Variants in NEURL2 observed in about 807,000 individuals in gnomAD.
The protein encoded by NEURL2 is neuralized-like protein 2.
Under a neutral mutation model 15.9 loss-of-function variants are expected in NEURL2, and 16 were observed. The ratio of observed to expected loss-of-function variants is 1.01; its 90% CI spans 0.68 to 1.53. NEURL2 has a LOEUF of 1.53. Among genes scored for constraint, NEURL2 ranks in the 40% most tolerant of loss-of-function variants. NEURL2 has a pLI of 0.00. For synonymous variants in NEURL2, 188 were observed against 178.3 expected, an observed-to-expected ratio of 1.05 and a Z score of -0.43; for missense variants, 393 against 407.8, an observed-to-expected ratio of 0.96 and a Z score of 0.31.
Position 45,890,923 on chromosome 20 carries a change from G to A in NEURL2, c.69C>T (p.Pro23=), listed in dbSNP as rs1395794014. The A allele has an allele frequency of 1.3e-6, 2 of 1,539,938 alleles. No homozygotes were observed. Among genetic ancestry groups the A allele is most frequent in the Admixed American group, 2.1e-5 (1 of 47,856 alleles). ...LWGLERPEPP[P]TRFHRVHGAN... ...CACCGTGCACCCGATGGAAGCGGGT[G>A]GGAGGGGGCTCCGGGCGCTCGAGTC... The change falls in exon 1 of 2, where the codon CCC becomes CCT. Residue 23 remains proline (P), a synonymous_variant. Transcript: ENST00000372518.
At position 45,891,169 on chromosome 20, in the gene NEURL2, A is replaced by G. The variant is rs1009830375; in HGVS notation, c.-178T>C. 44 of 1,023,398 alleles carry G rather than the reference A, an allele frequency of 4.3e-5. No individual in the cohort carries two copies. The highest frequency in any genetic ancestry group is 6.4e-5 in the Non-Finnish European group (44 of 687,610). The allele number at this position is 1,023,398 out of a possible 1,614,324, so 63.4% of individuals were successfully genotyped here. ...CCCGCCTACAACTTAGCCGTCCACA[A>G]CAGGATCATCTGATCGCGTGCGCCC... is the stretch of plus-strand genomic sequence containing the variant. On this transcript the variant is annotated 5_prime_UTR_variant, in exon 1 of 2. Transcript: ENST00000372518. This position sits in a 1 kb window ranked among gnomAD's most constrained non-coding sequence, Gnocchi z 4.6.
In NEURL2 at chr20:45,890,660, C is replaced by A; in HGVS notation, c.332G>T (p.Trp111Leu). Residue 111 changes from tryptophan (W) to leucine (L), a missense_variant, in exon 1 of 2, where the codon TGG becomes TTG. Trp to Leu is a moderately conservative substitution (Grantham distance 61). Coordinates refer to ENST00000372518, the MANE Select transcript of NEURL2 (RefSeq NM_080749.4). The stretch of plus-strand genomic sequence containing the variant: ...GTGGTGGCGCGTGATGGCGAAGACC[C>A]AGGTGTGGCCCAGGTTGACCAGATC... Reference protein sequence around the residue: ...LPDLVNLGHTWVFAITRHHNR... With the variant: ...LPDLVNLGHTLVFAITRHHNR... 6.2e-7 allele frequency: 1 copy of A among 1,613,600 alleles called. No individual in the cohort carries two copies. The highest frequency in any genetic ancestry group is 8.5e-7 in the Non-Finnish European group (1 of 1,179,854).
intron 1 of NEURL2, among the ~76,000 whole-genome samples, 175 bp from the exon 2 acceptor site, chr20:45,889,048 C>T (rs773268975): frequency 6.6e-6 from 1 of 152,196 alleles, no homozygotes; most frequent in African/African-American, 2.4e-5. Flanking sequence ...CTGAGAGCTG[C>T]CACAAAGCTG....
chr20:45,890,244 A>G lies in NEURL2; in HGVS notation c.742+6T>C. 6.2e-7 allele frequency: 1 copy of G among 1,613,756 alleles called. No homozygotes were observed. Among genetic ancestry groups the G allele is most frequent in the South Asian group, 1.1e-5 (1 of 91,082 alleles). ...CCAGGAGGGGTCGCTGCCCAGGGAT[A>G]CCTACAGCCATACTCGAGCTGGACA... On this transcript the variant is annotated splice_donor_region_variant and intron_variant, in intron 1 of 1. Transcript: ENST00000372518.
chr20:45,890,286 T>C lies in NEURL2; in HGVS notation c.706A>G (p.Thr236Ala), dbSNP rs1986697986. The C allele has an allele frequency of 1.2e-6, 2 of 1,613,520 alleles. No homozygotes were observed. The highest frequency in any genetic ancestry group is 1.6e-4 in the Middle Eastern group (1 of 6,084). ...AGCTGGACAAGGCGCACGCTCTTTG[T>C]GGAAGCAAACACGTCCACCACCGCG... ...LYAVVDVFAS[T>A]KSVRLVQLEY... The change falls in exon 1 of 2, where the codon ACA (threonine) becomes GCA (alanine). Residue 236 changes from threonine to alanine, a missense_variant. Thr to Ala is a moderately conservative substitution (Grantham distance 58). Coordinates refer to ENST00000372518, the MANE Select transcript of NEURL2 (RefSeq NM_080749.4).
chr20:45,889,435 C>T (rs984475639), intron 1 of NEURL2, among the ~76,000 whole-genome samples: 2 of 151,902 alleles, frequency 1.3e-5, no homozygotes, highest in African/African-American at 2.4e-5. Context: ...GAACTGCAGC[C>T]TTCAATTCTT....
chr20:45,889,137 T>C (rs1005269664), intron 1 of NEURL2, among the ~76,000 whole-genome samples: 1 of 152,124 alleles, frequency 6.6e-6, no homozygotes, highest in Non-Finnish European at 1.5e-5. Context: ...GGGTAGTGTC[T>C]GATTTGCCTG....
At chr20:45,889,969 A>G (rs1436897034) in intron 1 of NEURL2, among the ~76,000 whole-genome samples, 2 of 152,158 alleles carry the variant, frequency 1.3e-5, no homozygotes, top group African/African-American at 4.8e-5. Flanking sequence ...TAATATCTAA[A>G]ATTGGTTTAG....
At position 45,888,650 on chromosome 20, in the gene NEURL2, G is replaced by C; in HGVS notation, c.*108C>G. 2.0e-6 allele frequency: 2 copies of C among 1,005,998 alleles called. 1 individual carries two copies. Among genetic ancestry groups the C allele is most frequent in the South Asian group, 3.0e-5 (2 of 66,916 alleles). The allele number at this position is 1,005,998 out of a possible 1,614,324, so 62.3% of individuals were successfully genotyped here. On this transcript the variant is annotated 3_prime_UTR_variant, in exon 2 of 2. Coordinates refer to ENST00000372518, the MANE Select transcript of NEURL2 (RefSeq NM_080749.4). Reference sequence around the variant, plus strand: ...TTCCAGTGATCAAGATGTCAGCATCGGCTGTTTATTTCTGGTCTTGGCTGG... The same window carrying C: ...TTCCAGTGATCAAGATGTCAGCATCCGCTGTTTATTTCTGGTCTTGGCTGG...
At position 45,890,838 on chromosome 20, in the gene NEURL2, C is replaced by A; in HGVS notation, c.154G>T (p.Gly52Cys). ...RATRVESFAHGVCFSREPLAP... is the reference protein window; with the variant it reads ...RATRVESFAHCVCFSREPLAP... ...AGCGGCTCGCGGCTGAAGCACACGC[C>A]GTGGGCGAAGCTCTCCACGCGTGTG... The change falls in exon 1 of 2, where the codon GGC becomes TGC. Residue 52 changes from glycine (G) to cysteine (C), a missense_variant. Coordinates refer to ENST00000372518, the MANE Select transcript of NEURL2 (RefSeq NM_080749.4). The A allele has an allele frequency of 6.4e-7, 1 of 1,568,482 alleles. No individual in the cohort carries two copies. The highest frequency in any genetic ancestry group is 2.3e-5 in the East Asian group (1 of 43,184).
chr20:45,889,431 C>T (rs1986634322), intron 1 of NEURL2, among the ~76,000 whole-genome samples: 1 of 151,920 alleles, frequency 6.6e-6, no homozygotes, highest in Admixed American at 6.6e-5. Context: ...CAGTGAACTG[C>T]AGCCTTCAAT....
At chr20:45,889,260 T>C (rs1178910636) in intron 1 of NEURL2, among the ~76,000 whole-genome samples, 1 of 152,202 alleles carries the variant, frequency 6.6e-6, no homozygotes, top group Non-Finnish European at 1.5e-5. Context: ...TAATGAATCA[T>C]ACTCAGCATT....
In NEURL2 at chr20:45,890,591, G is replaced by A. The variant is rs1986737705; in HGVS notation, c.401C>T (p.Ala134Val). 1.4e-5 allele frequency: 23 copies of A among 1,612,314 alleles called. No homozygotes were observed. Among genetic ancestry groups the A allele is most frequent in the Admixed American group, 3.3e-5 (2 of 59,940 alleles). The change falls in exon 1 of 2, where the codon GCC (alanine) becomes GTC (valine). Residue 134 changes from alanine to valine, a missense_variant. Coordinates refer to ENST00000372518, the MANE Select transcript of NEURL2 (RefSeq NM_080749.4). ...GAGGAGGGTTGGAGGTCGGCTGGGG[G>A]CCGCTGCCTCCGCCTCCGGGCGGCC... is the stretch of plus-strand genomic sequence containing the variant. ...REGRPEAEAA[A>V]PSRPPTLLVE...
In NEURL2 at chr20:45,890,487, T is replaced by G. The variant is rs1383522896; in HGVS notation, c.505A>C (p.Ser169Arg). The stretch of plus-strand genomic sequence containing the variant: ...TCATAGAGCTGGTCCAAGAGATGGC[T>G]GTAGAGCCCTGGCCGGCTGCGGCCC... ...LVGRSRPGLY[S>R]HLLDQLYELN... Residue 169 changes from serine (S) to arginine (R), a missense_variant, in exon 1 of 2, where the codon AGC becomes CGC. By Grantham distance (110) the Ser-to-Arg change is moderately radical (BLOSUM62 -1). Transcript: ENST00000372518. 5 of 1,598,226 alleles carry G rather than the reference T, an allele frequency of 3.1e-6. No homozygotes were observed. Among genetic ancestry groups the G allele is most frequent in the Admixed American group, 1.7e-5 (1 of 58,754 alleles).
At chr20:45,890,113 G>C (rs1986678777) in intron 1 of NEURL2, 137 bp downstream of exon 1, 1 of 899,832 alleles carries the variant, frequency 1.1e-6, no homozygotes, top group East Asian at 2.6e-5. Context: ...CACAAGCAGA[G>C]GTGCAATTTG....
chr20:45,888,973 G>C, intron 1 of NEURL2, 100 bp from the exon 2 acceptor site: 2 of 1,406,706 alleles, frequency 1.4e-6, no homozygotes, highest in Non-Finnish European at 2.0e-6. Flanking sequence ...GTCATTAAAT[G>C]TGGGCAAGTC....
Position 45,890,622 on chromosome 20 carries a change from G to T in NEURL2, c.370C>A (p.Arg124=). 3 of 1,612,974 alleles carry T rather than the reference G, an allele frequency of 1.9e-6. No homozygotes were observed. The South Asian group carries it at 3.3e-5, about 18-fold the overall frequency. ...GCCTCCGCCTCCGGGCGGCCCTCCC[G>T]GGGCACGCGGTTGTGGTGGCGCGTG... ...AITRHHNRVP[R]EGRPEAEAAA... The change falls in exon 1 of 2, where the codon CGG becomes AGG. Residue 124 remains arginine, a synonymous_variant. Coordinates refer to ENST00000372518, the MANE Select transcript of NEURL2 (RefSeq NM_080749.4).
intron 1 of NEURL2, among the ~76,000 whole-genome samples, chr20:45,889,455 C>T (rs1336467509): frequency 2.0e-5 from 3 of 151,878 alleles, no homozygotes; most frequent in Admixed American, 6.6e-5. Flanking sequence ...TGGGCTCAAG[C>T]GATCCTCCTG....
In NEURL2 at chr20:45,890,246, C is replaced by G. The variant is rs777858308; in HGVS notation, c.742+4G>C. 3.7e-6 allele frequency: 6 copies of G among 1,613,736 alleles called. No homozygotes were observed. The highest frequency in any genetic ancestry group is 3.3e-5 in the South Asian group (3 of 91,090). Reference sequence around the variant, plus strand: ...AGGAGGGGTCGCTGCCCAGGGATACCTACAGCCATACTCGAGCTGGACAAG... The same window carrying G: ...AGGAGGGGTCGCTGCCCAGGGATACGTACAGCCATACTCGAGCTGGACAAG... On this transcript the variant is annotated splice_donor_region_variant and intron_variant, in intron 1 of 1. Transcript: ENST00000372518.
Sources: gnomAD v4.1 joint callset for allele counts (sites outside exome capture counted in the v4.1 genomes callset) on GRCh38, gnomAD v4.1.1 for gene constraint, Gnocchi (gnomAD v3.1) non-coding constraint, MANE v1.5 for transcripts, NCBI Gene and HGNC (gene_info 2026-07-23, HGNC 2026-07-21) for gene names.